The following ZNF365 variants were observed in gnomAD, a reference collection of about 807,000 sequenced individuals.
ZNF365 encodes the protein zinc finger protein 365.
In ZNF365, 22 loss-of-function variants were observed where a neutral mutation model predicts 35.0. The ratio of observed to expected loss-of-function variants is 0.63; its 90% CI spans 0.45 to 0.90. The LOEUF (loss-of-function observed/expected upper bound fraction) is 0.90, where lower values mean the gene tolerates loss of function less well. Among genes scored for constraint, ZNF365 ranks in the 40% least tolerant of loss-of-function variants. The probability of loss-of-function intolerance (pLI) is 0.00; values close to 1 mark genes in which losing one functional copy is unlikely to be tolerated. For missense variants in ZNF365, 448 were observed against 500.3 expected, an observed-to-expected ratio of 0.90 and a Z score of 1.00; for synonymous variants, 188 against 196.2, an observed-to-expected ratio of 0.96 and a Z score of 0.35.
At chr10:62,377,062 A>G in intron 2 of ZNF365, 126 bp downstream of exon 2, 4 of 1,258,178 alleles carry the variant, frequency 3.2e-6, no homozygotes, top group South Asian at 3.1e-5. Context: ...TTTCTTATTG[A>G]TATAGTTGAA....
At chr10:62,477,755 G>A (rs545445564) in intron 4 of ZNF365, among the ~76,000 whole-genome samples, 1 of 152,218 alleles carries the variant, frequency 6.6e-6, no homozygotes, top group African/African-American at 2.4e-5. Context: ...TCAGTCTCAT[G>A]GCAGAGAAAA....
intron 4 of ZNF365, among the ~76,000 whole-genome samples, chr10:62,466,454 T>C (rs1403941346): frequency 6.6e-6 from 1 of 152,140 alleles, no homozygotes; most frequent in African/African-American, 2.4e-5. Flanking sequence ...GGCTTGTCCT[T>C]AGCAAGTATG....
chr10:62,429,389 C>T (rs1235420353), intron 3 of ZNF365, among the ~76,000 whole-genome samples: 1 of 152,172 alleles, frequency 6.6e-6, no homozygotes, highest in Non-Finnish European at 1.5e-5. Flanking sequence ...AGCATAGCTG[C>T]AATTTAAAGA....
intron 3 of ZNF365, among the ~76,000 whole-genome samples, chr10:62,442,536 C>A (rs1037585578): frequency 7.2e-5 from 11 of 152,168 alleles, no homozygotes; most frequent in Admixed American, 5.2e-4. Context: ...ACGATGGCTT[C>A]ATTTTCTTGC....
intron 4 of ZNF365, among the ~76,000 whole-genome samples, chr10:62,469,619 G>A (rs1348385382): frequency 1.3e-5 from 2 of 151,854 alleles, no homozygotes; most frequent in Non-Finnish European, 2.9e-5. Flanking sequence ...ATACACGTAT[G>A]TGTGTGTGTG....
downstream of ZNF365, among the ~76,000 whole-genome samples, chr10:62,406,356 C>T (rs1839904938): frequency 6.6e-6 from 1 of 152,150 alleles, no homozygotes; most frequent in Non-Finnish European, 1.5e-5. Flanking sequence ...ATACCATGTA[C>T]CTATTCCTTG....
At chr10:62,435,031 C>T (rs1171252607) in intron 3 of ZNF365, among the ~76,000 whole-genome samples, 4 of 151,982 alleles carry the variant, frequency 2.6e-5, no homozygotes, top group African/African-American at 9.7e-5. Flanking sequence ...CAGAGATAGA[C>T]AATAAAATCT....
At chr10:62,440,336 T>G (rs1401740336) in intron 3 of ZNF365, among the ~76,000 whole-genome samples, 4 of 151,260 alleles carry the variant, frequency 2.6e-5, no homozygotes, top group African/African-American at 9.7e-5. Context: ...TTTCTACATA[T>G]TACTTTATCA....
intron 3 of ZNF365, among the ~76,000 whole-genome samples, chr10:62,429,032 C>T (rs184270417): frequency 6.6e-6 from 1 of 152,272 alleles, no homozygotes; most frequent in Admixed American, 6.5e-5. Context: ...GGAGCTGGCT[C>T]TAGCACACCT....
In ZNF365 at chr10:62,401,159, A is replaced by AATAT. The variant is rs1839821710; in HGVS notation, c.*1375_*1378dup. 2 of 956,792 alleles carry AATAT rather than the reference A, an allele frequency of 2.1e-6. No individual in the cohort carries two copies. Among genetic ancestry groups the AATAT allele is most frequent in the South Asian group, 9.7e-5 (2 of 20,722 alleles). The allele number at this position is 956,792 out of a possible 1,614,324, so 59.3% of individuals were successfully genotyped here. On this transcript the variant is annotated 3_prime_UTR_variant, in exon 5 of 5. Coordinates refer to ENST00000395254, the MANE Select transcript of ZNF365 (RefSeq NM_014951.3). The stretch of plus-strand genomic sequence containing the variant: ...ATATACATATATATAACACATACAA[A>AATAT]ATATATATGTTAAGTATATTAATAA...
At chr10:62,380,566 C>T (rs879450903) in intron 2 of ZNF365, among the ~76,000 whole-genome samples, 2 of 152,190 alleles carry the variant, frequency 1.3e-5, no homozygotes, top group Non-Finnish European at 1.5e-5. Flanking sequence ...CTAATCCCTG[C>T]ATTGTTCAGG....
At chr10:62,383,112 T>C (rs1042855177) in intron 2 of ZNF365, among the ~76,000 whole-genome samples, 2 of 152,208 alleles carry the variant, frequency 1.3e-5, no homozygotes, top group Non-Finnish European at 2.9e-5. Context: ...ATCTCTGTGT[T>C]GGTTAATGAT....
At chr10:62,393,271 G>A (rs997891104) in intron 3 of ZNF365, among the ~76,000 whole-genome samples, 3 of 152,190 alleles carry the variant, frequency 2.0e-5, no homozygotes, top group African/African-American at 7.2e-5. Flanking sequence ...AAAATAGAAA[G>A]ATTAAAAGTA....
chr10:62,403,285 T>A (rs2132432826), downstream of ZNF365, among the ~76,000 whole-genome samples: 1 of 152,340 alleles, frequency 6.6e-6, no homozygotes, highest in South Asian at 2.1e-4. Flanking sequence ...ATCGTCATTG[T>A]CTTCACGTTG....
rs575567084 is a variant in ZNF365, at chr10:62,479,776, C to G, written c.982-100C>G. ...AAGAGTTGCCAGTACAATTGTTTGC[C>G]AGGACCCATGGTTGAAACCACTTCT... On this transcript the variant is annotated intron_variant, in intron 4 of 4. Coordinates refer to the ZNF365 transcript ENST00000395255. 1.5e-4 allele frequency: 122 copies of G among 821,038 alleles called. 1 individual carries two copies. The South Asian group carries it at 1.6e-3, about 11-fold the overall frequency. The allele number at this position is 821,038 out of a possible 1,614,324, so 50.9% of individuals were successfully genotyped here.
At chr10:62,409,252 A>G (rs987746823) in intron 3 of ZNF365, among the ~76,000 whole-genome samples, 9 of 152,148 alleles carry the variant, frequency 5.9e-5, no homozygotes, top group African/African-American at 9.7e-5. Flanking sequence ...TGCCTGAGGT[A>G]TTGGCAATGA....
intron 3 of ZNF365, among the ~76,000 whole-genome samples, chr10:62,438,490 A>G (rs574941205): frequency 1.3e-5 from 2 of 152,240 alleles, no homozygotes; most frequent in Non-Finnish European, 2.9e-5. Flanking sequence ...GCCCAGCCAC[A>G]TAGAGTTTTT....
Position 62,476,611 on chromosome 10 carries a change from T to A in ZNF365, c.982-3265T>A, listed in dbSNP as rs548561774. Among the ~76,000 whole-genome samples, 9 of 152,348 alleles carry A rather than the reference T, an allele frequency of 5.9e-5. No homozygotes were observed. In the South Asian group the frequency reaches 1.9e-3, roughly 32 times the overall value. ...AAAGAAGCTGTTAAGACTAAGATCT[T>A]GTGTTAGGAACTTCAATATAGGTTT... On this transcript the variant is annotated intron_variant, in intron 4 of 4. Transcript: ENST00000395255.
intron 3 of ZNF365, among the ~76,000 whole-genome samples, chr10:62,415,307 G>T (rs1007828521): frequency 1.3e-5 from 2 of 151,836 alleles, no homozygotes; most frequent in Non-Finnish European, 2.9e-5. Flanking sequence ...CAGTGTGTTC[G>T]CCCTTTCCAC....
Sources: allele counts gnomAD v4.1 joint callset (sites outside exome capture counted in the v4.1 genomes callset), GRCh38; gene constraint gnomAD v4.1.1; transcripts MANE v1.5; gene names NCBI Gene and HGNC (gene_info 2026-07-23, HGNC 2026-07-21).